Variants in TBXAS1 observed in about 807,000 individuals in gnomAD.
TBXAS1 encodes the protein thromboxane-A synthase.
TBXAS1 carries 48 observed loss-of-function variants against 60.7 expected under a neutral mutation model. The observed-to-expected ratio is 0.79, with a 90% CI of 0.63 to 1.01. TBXAS1 has a LOEUF of 1.01. TBXAS1 is among the 50% of genes least tolerant of loss of function. The probability of loss-of-function intolerance (pLI) is 0.00; values close to 1 mark genes in which losing one functional copy is unlikely to be tolerated. For missense variants in TBXAS1, 685 were observed against 686.3 expected, an observed-to-expected ratio of 1.00 and a Z score of 0.02; for synonymous variants, 287 against 269.7, an observed-to-expected ratio of 1.06 and a Z score of -0.63.
At chr7:139,782,757 T>G (rs1797043606) in intron 3 of TBXAS1, 1 of 152,228 alleles carries the variant, frequency 6.6e-6, no homozygotes, top group African/African-American at 2.4e-5. Flanking sequence ...GTTCTGTCTT[T>G]TGATATCACA....
At chr7:139,858,959 C>T (rs1478531975) in intron 1 of TBXAS1, among the ~76,000 whole-genome samples, 3 of 152,194 alleles carry the variant, frequency 2.0e-5, no homozygotes, top group Admixed American at 6.5e-5. Context: ...ACCTCCCCCT[C>T]CTGGGTTCAA....
intron 4 of TBXAS1, among the ~76,000 whole-genome samples, chr7:139,790,963 C>T (rs1797363170): frequency 6.6e-6 from 1 of 152,150 alleles, no homozygotes; most frequent in Non-Finnish European, 1.5e-5. Context: ...CCACCACACC[C>T]AGCTAATTTT....
chr7:139,919,570 C>T (rs1460534698), intron 4 of TBXAS1, among the ~76,000 whole-genome samples: 3 of 152,204 alleles, frequency 2.0e-5, no homozygotes, highest in Non-Finnish European at 2.9e-5. Context: ...GTGGCTATAG[C>T]TTCATATTCT....
At chr7:139,854,050 G>A (rs1198448244) in intron 1 of TBXAS1, among the ~76,000 whole-genome samples, 1 of 152,016 alleles carries the variant, frequency 6.6e-6, no homozygotes, top group African/African-American at 2.4e-5. Flanking sequence ...GAGGAGAGTG[G>A]GCTGGGACAA....
chr7:139,912,515 G>A (rs1225322855), intron 4 of TBXAS1, among the ~76,000 whole-genome samples: 2 of 152,116 alleles, frequency 1.3e-5, no homozygotes, highest in East Asian at 3.9e-4. Flanking sequence ...TTGATTATGT[G>A]GCAAACTTTT....
intron 1 of TBXAS1, among the ~76,000 whole-genome samples, chr7:139,860,478 T>C (rs1333533965): frequency 6.6e-6 from 1 of 152,200 alleles, no homozygotes; most frequent in Non-Finnish European, 1.5e-5. Flanking sequence ...AATGCAACCT[T>C]AGATGGCAGA....
chr7:140,006,372 C>G (rs958181833), intron 9 of TBXAS1, among the ~76,000 whole-genome samples: 1 of 152,142 alleles, frequency 6.6e-6, no homozygotes, highest in Non-Finnish European at 1.5e-5. Flanking sequence ...AGGAGAGTCA[C>G]CCGGGGGTGT....
intron 9 of TBXAS1, among the ~76,000 whole-genome samples, chr7:139,986,120 T>G (rs1269822135): frequency 2.0e-5 from 3 of 152,236 alleles, no homozygotes; most frequent in South Asian, 4.1e-4. Context: ...GGGGAGGCCT[T>G]ACAAGGTCTG....
intron 2 of TBXAS1, among the ~76,000 whole-genome samples, chr7:139,872,916 C>T (rs776394216): frequency 2.6e-5 from 4 of 152,164 alleles, no homozygotes; most frequent in Admixed American, 6.5e-5. Flanking sequence ...TGTCTAAATA[C>T]GTCAGACCCT....
chr7:139,865,003 A>C lies in TBXAS1; in HGVS notation c.90-7232A>C, dbSNP rs867263045. ...TTGGAAAAAAAATACTCACTATTAT[A>C]AATTTGTAAATGAACAGTCTCGTTT... is the stretch of plus-strand genomic sequence containing the variant. On this transcript the variant is annotated intron_variant, in intron 1 of 12. Transcript: ENST00000448866. Among the ~76,000 whole-genome samples, 13 of 152,338 alleles carry C rather than the reference A, an allele frequency of 8.5e-5. No homozygotes were observed. The Middle Eastern group carries it at 0.01, about 120-fold the overall frequency.
intron 4 of TBXAS1, among the ~76,000 whole-genome samples, chr7:139,804,791 C>G (rs1797804366): frequency 1.3e-5 from 2 of 152,250 alleles, no homozygotes; most frequent in Middle Eastern, 3.2e-3. Flanking sequence ...TTGCTTTCCA[C>G]CATAATTGTG....
intron 1 of TBXAS1, among the ~76,000 whole-genome samples, chr7:139,869,540 A>G (rs1424023994): frequency 6.6e-6 from 1 of 152,084 alleles, no homozygotes; most frequent in Non-Finnish European, 1.5e-5. Flanking sequence ...GGCATGCAAC[A>G]CTACCCCTGG....
At position 139,961,932 on chromosome 7, in the gene TBXAS1, T is replaced by C. The variant is rs1366372316; in HGVS notation, c.833T>C (p.Phe278Ser). The C allele has an allele frequency of 1.9e-6, 3 of 1,614,138 alleles. No homozygotes were observed. The highest frequency in any genetic ancestry group is 2.5e-6 in the Non-Finnish European group (3 of 1,180,060). Residue 278 changes from phenylalanine to serine, a missense_variant, in exon 9 of 13, where the codon TTC becomes TCC. Physicochemically the swap from Phe to Ser is radical, Grantham distance 155 (BLOSUM62 -2). Coordinates refer to ENST00000448866, the MANE Select transcript of TBXAS1 (RefSeq NM_001061.7). ...QQAAEERRRD[F>S]LQMVLDARHS... ...TTTGTTCCTTAGAGGCGGAGAGACT[T>C]CCTCCAAATGGTCCTGGATGCCCGA...
At chr7:139,947,340 CACTT>C (rs1291558084) in intron 5 of TBXAS1, among the ~76,000 whole-genome samples, 1 of 152,088 alleles carries the variant, frequency 6.6e-6, no homozygotes, top group African/African-American at 2.4e-5. Flanking sequence ...CACATGTTCT[CACTT>C]ACAAGTGGGA....
intron 1 of TBXAS1, among the ~76,000 whole-genome samples, chr7:139,867,334 C>G (rs1051105985): frequency 1.3e-5 from 2 of 152,190 alleles, no homozygotes; most frequent in Non-Finnish European, 2.9e-5. Context: ...GCGGAGGGGC[C>G]GGCTGGACCC....
chr7:139,949,107 C>T (rs182724456), intron 5 of TBXAS1, among the ~76,000 whole-genome samples: 9 of 152,276 alleles, frequency 5.9e-5, no homozygotes, highest in Admixed American at 2.6e-4. Context: ...GTCAAAAGCA[C>T]GTAGAAGACC....
At position 139,916,372 on chromosome 7, in the gene TBXAS1, T is replaced by G. The variant is rs1805969044; in HGVS notation, c.333+5051T>G. On this transcript the variant is annotated intron_variant, in intron 4 of 12. Transcript: ENST00000448866. The surrounding 1 kb of genome is among the most constrained non-coding windows in gnomAD (Gnocchi z 4.2). The stretch of plus-strand genomic sequence containing the variant: ...CACTAAGCCTAGTGCTTTGGAGATG[T>G]GGGTTCTGGTCTGGAGTGGCAGTAT... 6.6e-6 allele frequency among the ~76,000 whole-genome samples: 1 copy of G among 152,200 alleles called. No homozygotes were observed. Among genetic ancestry groups the G allele is most frequent in the African/African-American group, 2.4e-5 (1 of 41,454 alleles).
At chr7:139,784,255 CCTTCCTTTCTTT>C (rs1403933642) in intron 3 of TBXAS1, among the ~76,000 whole-genome samples, 2 of 147,126 alleles carry the variant, frequency 1.4e-5, no homozygotes, top group East Asian at 2.1e-4. Context: ...TTCCTTCCTT[CCTTCCTTTCTTT>C]CTTCCTTTCT....
upstream of TBXAS1, among the ~76,000 whole-genome samples, chr7:139,826,598 C>A (rs531106161): frequency 6.6e-6 from 1 of 152,260 alleles, no homozygotes; most frequent in East Asian, 1.9e-4. Flanking sequence ...TGAATATAAT[C>A]TTTCGAGGAA....
Sources: allele counts gnomAD v4.1 joint callset (sites outside exome capture counted in the v4.1 genomes callset), GRCh38; gene constraint gnomAD v4.1.1; non-coding constraint Gnocchi (gnomAD v3.1); transcripts MANE v1.5; gene names NCBI Gene and HGNC (gene_info 2026-07-23, HGNC 2026-07-21).